FAF2: variants seen among roughly 807,000 people sequenced by gnomAD.
FAF2 encodes the protein Fas associated factor family member 2.
A neutral mutation model predicts 62.3 loss-of-function variants in FAF2; 9 were observed. That is an observed-to-expected ratio of 0.14 (90% CI 0.09 to 0.25). FAF2 has a LOEUF of 0.25. Among genes scored for constraint, FAF2 ranks in the 10% least tolerant of loss-of-function variants. The pLI, the probability that FAF2 is intolerant of heterozygous loss-of-function variation, is 1.00. For missense variants in FAF2, 368 were observed against 556.2 expected (o/e 0.66, Z 3.40); for synonymous variants, 202 against 198.0 (o/e 1.02, Z -0.17).
intron 1 of FAF2, among the ~76,000 whole-genome samples, chr5:176,451,799 CATATAT>C (rs200877520): frequency 2.1e-5 from 1 of 47,592 alleles, no homozygotes; most frequent in Non-Finnish European, 3.6e-5. Context: ...TATATATATA[CATATAT>C]ATATACACAC....
chr5:176,462,788 G>A (rs1055538893), intron 1 of FAF2, among the ~76,000 whole-genome samples: 1 of 152,028 alleles, frequency 6.6e-6, no homozygotes, highest in African/African-American at 2.4e-5. Flanking sequence ...AAATTCTAGG[G>A]GTGTGATTTC....
chr5:176,460,997 C>T (rs942131137), intron 1 of FAF2, among the ~76,000 whole-genome samples: 1 of 139,902 alleles, frequency 7.1e-6, no homozygotes, highest in African/African-American at 2.7e-5. Context: ...CTTTTGCACC[C>T]ACCTCCCCTT....
At chr5:176,499,416 C>T (rs889874607) in intron 9 of FAF2, among the ~76,000 whole-genome samples, 2 of 152,142 alleles carry the variant, frequency 1.3e-5, no homozygotes, top group African/African-American at 4.8e-5. Context: ...CGTGAGCCAC[C>T]ATGCCTGGCC....
intron 1 of FAF2, among the ~76,000 whole-genome samples, chr5:176,450,487 A>C (rs1758143289): frequency 6.6e-6 from 1 of 152,162 alleles, no homozygotes; most frequent in Admixed American, 6.6e-5. Flanking sequence ...GAAGAGCATG[A>C]ATATAAATCT....
chr5:176,494,262 T>A lies in FAF2; in HGVS notation c.648T>A (p.Pro216=). 1 of 1,613,354 alleles carries A rather than the reference T, an allele frequency of 6.2e-7. No homozygotes were observed. Among genetic ancestry groups the A allele is most frequent in the Non-Finnish European group, 8.5e-7 (1 of 1,179,520 alleles). Residue 216 remains proline, a synonymous_variant, in exon 7 of 11, where the codon CCT becomes CCA. Coordinates refer to ENST00000261942, the MANE Select transcript of FAF2 (RefSeq NM_014613.3). The surrounding 1 kb of genome is among the most constrained non-coding windows in gnomAD (Gnocchi z 4.0). ...MLFWACSTNK[P]EGYRVSQALR... is the part of the protein sequence containing the mutation. ...TCTGGGCATGCTCTACAAACAAACC[T>A]GAGGGATACAGGGGTAAGTTATGTT...
At chr5:176,463,239 C>CA (rs1425151722) in intron 1 of FAF2, among the ~76,000 whole-genome samples, 1 of 151,330 alleles carries the variant, frequency 6.6e-6, no homozygotes, top group Non-Finnish European at 1.5e-5. Context: ...ACTAAGAATA[C>CA]AAAAAAAATT....
rs1349872445 is a variant in FAF2, at chr5:176,508,337, C to T, written c.*1387C>T. 4 of 152,162 alleles carry T rather than the reference C, an allele frequency of 2.6e-5. No individual in the cohort carries two copies. The highest frequency in any genetic ancestry group is 1.5e-5 in the Non-Finnish European group (1 of 68,092). The allele number at this position is 152,162 out of a possible 1,614,324, so 9.4% of individuals were successfully genotyped here. On this transcript the variant is annotated 3_prime_UTR_variant, in exon 11 of 11. Coordinates refer to ENST00000261942, the MANE Select transcript of FAF2 (RefSeq NM_014613.3). ...TTCTGTAGCTAGACTGGTGCAGGCT[C>T]GTTGTACCACTGCAACCGACTGACG...
chr5:176,490,310 C>CA (rs34742727), intron 4 of FAF2, among the ~76,000 whole-genome samples: 33,472 of 113,958 alleles, frequency 0.29, 4,220 homozygotes, highest in Middle Eastern at 0.51. Flanking sequence ...GACTCCGTCT[C>CA]AAAAAAAAAA....
At chr5:176,496,865 A>C in intron 8 of FAF2, 1 of 364,542 alleles carries the variant, frequency 2.7e-6, no homozygotes, top group Non-Finnish European at 4.8e-6. Context: ...GATGTTCAAA[A>C]TAAAGACAAG....
intron 1 of FAF2, among the ~76,000 whole-genome samples, chr5:176,451,227 C>T (rs1175115543): frequency 6.6e-6 from 1 of 152,092 alleles, no homozygotes; most frequent in African/African-American, 2.4e-5. Context: ...AAAAATTAGC[C>T]AGGCATGGTG....
intron 8 of FAF2, among the ~76,000 whole-genome samples, chr5:176,498,022 C>T (rs1446641408): frequency 6.6e-6 from 1 of 152,158 alleles, no homozygotes; most frequent in East Asian, 1.9e-4. Flanking sequence ...TGGTGGCACA[C>T]GCCTGTAAGC....
intron 5 of FAF2, among the ~76,000 whole-genome samples, 163 bp downstream of exon 5, chr5:176,492,495 G>T (rs1169694836): frequency 6.6e-6 from 1 of 152,126 alleles, no homozygotes; most frequent in African/African-American, 2.4e-5. Context: ...CCTTTTAGCT[G>T]GCCCCTCTTT....
intron 10 of FAF2, among the ~76,000 whole-genome samples, chr5:176,505,219 T>A (rs1755655568): frequency 6.6e-6 from 1 of 152,098 alleles, no homozygotes; most frequent in African/African-American, 2.4e-5. Context: ...CTGAATGAGG[T>A]TGGCAGAATT....
chr5:176,486,916 C>T (rs1561824130), intron 3 of FAF2, among the ~76,000 whole-genome samples: 1 of 152,180 alleles, frequency 6.6e-6, no homozygotes, highest in Non-Finnish European at 1.5e-5. Context: ...AACCTGGTAT[C>T]TTGCTACTAG....
chr5:176,453,176 C>G (rs992617040), intron 1 of FAF2: 1 of 152,174 alleles, frequency 6.6e-6, no homozygotes, highest in African/African-American at 2.4e-5. Context: ...TTGTTTTCAG[C>G]TATTTCAGAT....
chr5:176,503,268 G>T (rs1755624310), intron 10 of FAF2, among the ~76,000 whole-genome samples: 1 of 151,944 alleles, frequency 6.6e-6, no homozygotes, highest in Non-Finnish European at 1.5e-5. Flanking sequence ...TAAAGACCTT[G>T]TGTCGGCCGG....
chr5:176,449,274 T>C (rs1333305164), intron 1 of FAF2, among the ~76,000 whole-genome samples: 1 of 152,172 alleles, frequency 6.6e-6, no homozygotes, highest in Non-Finnish European at 1.5e-5. Flanking sequence ...GAAAGGACTG[T>C]CTTAAAAATG....
intron 1 of FAF2, among the ~76,000 whole-genome samples, chr5:176,459,708 G>A (rs1043960639): frequency 6.6e-6 from 1 of 151,944 alleles, no homozygotes; most frequent in Non-Finnish European, 1.5e-5. Context: ...TGTGGGTGTG[G>A]TTGTTTTGTT....
chr5:176,467,129 C>CTTTT (rs374702773), intron 1 of FAF2, among the ~76,000 whole-genome samples: 4 of 94,036 alleles, frequency 4.3e-5, no homozygotes, highest in African/African-American at 4.5e-5. Flanking sequence ...TTTTTTTTTC[C>CTTTT]TTTTTTTTTT....
Sources: allele counts gnomAD v4.1 joint callset (sites outside exome capture counted in the v4.1 genomes callset), GRCh38; gene constraint gnomAD v4.1.1; non-coding constraint Gnocchi (gnomAD v3.1); transcripts MANE v1.5; gene names NCBI Gene and HGNC (gene_info 2026-07-23, HGNC 2026-07-21).